Variants in CDCA2 observed in about 807,000 individuals in gnomAD.
CDCA2 encodes cell division cycle-associated protein 2.
In CDCA2, 44 loss-of-function variants were observed where a neutral mutation model predicts 67.0. The observed-to-expected ratio is 0.66, with a 90% CI of 0.52 to 0.84. CDCA2 has a LOEUF of 0.84. Ranked by LOEUF, CDCA2 falls within the 40% of genes least tolerant of loss-of-function variation. The pLI, the probability that CDCA2 is intolerant of heterozygous loss-of-function variation, is 0.00. For synonymous variants in CDCA2, 447 were observed against 418.7 expected (o/e 1.07, Z -0.82); for missense variants, 1,253 against 1,203.2 (o/e 1.04, Z -0.61).
rs115603747 is a variant in CDCA2 at position 25,507,510 on chromosome 8, G to T, written c.2844G>T (p.Pro948=). The change falls in exon 15 of 15, where the codon CCG becomes CCT. Residue 948 remains proline, a synonymous_variant. Coordinates refer to ENST00000330560, the MANE Select transcript of CDCA2 (RefSeq NM_152562.4). ...IKETVSSRQK[P]QMAPPVSDPE... The stretch of plus-strand genomic sequence containing the variant: ...AAACTGTGTCCTCCAGACAAAAACC[G>T]CAGATGGCACCTCCCGTCTCAGATC... The T allele has an allele frequency of 2.6e-4, 426 of 1,613,720 alleles. 2 individuals are homozygous for T. The East Asian group carries it at 7.6e-3, about 29-fold the overall frequency.
At chr8:25,465,889 T>G (rs943586234) in intron 4 of CDCA2, among the ~76,000 whole-genome samples, 8 of 152,144 alleles carry the variant, frequency 5.3e-5, no homozygotes, top group East Asian at 3.9e-4. Context: ...AATAGACAGG[T>G]TCCTCCTGTC....
intron 7 of CDCA2, among the ~76,000 whole-genome samples, chr8:25,476,796 T>C (rs1192805223): frequency 2.0e-5 from 3 of 152,040 alleles, no homozygotes; most frequent in Non-Finnish European, 4.4e-5. Flanking sequence ...TCTGGTGATC[T>C]GCCCACCTAG....
chr8:25,491,613 C>G (rs561963854), intron 13 of CDCA2, among the ~76,000 whole-genome samples: 1 of 152,168 alleles, frequency 6.6e-6, no homozygotes, highest in Non-Finnish European at 1.5e-5. Flanking sequence ...TTGAGTGTTT[C>G]TTTTTTTCTT....
At chr8:25,500,269 C>T (rs7838158) in intron 13 of CDCA2, among the ~76,000 whole-genome samples, 113,616 of 138,514 alleles carry the variant, frequency 0.82, 44,693 homozygotes, top group South Asian at 0.88. Flanking sequence ...TTTTTTTTTT[C>T]CCCATATATC....
chr8:25,467,063 A>AAAAC (rs1442439401), intron 5 of CDCA2, among the ~76,000 whole-genome samples: 1 of 141,402 alleles, frequency 7.1e-6, no homozygotes, highest in Non-Finnish European at 1.5e-5. Context: ...AAAAAAAAAA[A>AAAAC]AAACACACAC....
intron 12 of CDCA2, among the ~76,000 whole-genome samples, chr8:25,488,209 AT>A (rs796183649): frequency 1.3e-5 from 2 of 152,154 alleles, no homozygotes; most frequent in African/African-American, 4.8e-5. Flanking sequence ...AAAATTCATG[AT>A]TTTTTTCCCC....
Position 25,507,431 on chromosome 8 carries a change from G to C in CDCA2, c.2765G>C (p.Arg922Thr), listed in dbSNP as rs753959999. The change falls in exon 15 of 15, where the codon AGA (arginine) becomes ACA (threonine). Residue 922 changes from arginine to threonine, a missense_variant. Arg to Thr is a moderately conservative substitution (Grantham distance 71). Coordinates refer to ENST00000330560, the MANE Select transcript of CDCA2 (RefSeq NM_152562.4). ...TCCACTTCCCAAAAAGCCAAAAGAAGAACAATATGTACATTTGACAGCAGT... is the reference window on the plus strand; with the variant it reads ...TCCACTTCCCAAAAAGCCAAAAGAACAACAATATGTACATTTGACAGCAGT... ...LPSTSQKAKR[R>T]TICTFDSSGF... 1.2e-6 allele frequency: 2 copies of C among 1,614,028 alleles called. No individual in the cohort carries two copies. The highest frequency in any genetic ancestry group is 1.7e-6 in the Non-Finnish European group (2 of 1,179,998).
intron 13 of CDCA2, among the ~76,000 whole-genome samples, chr8:25,495,824 A>T (rs538028687): frequency 6.6e-6 from 1 of 152,226 alleles, no homozygotes; most frequent in African/African-American, 2.4e-5. Flanking sequence ...CAAATAAGCA[A>T]TTTTTCCCAT....
At position 25,468,317 on chromosome 8, in the gene CDCA2, T is replaced by A. The variant is rs1412029763; in HGVS notation, c.639T>A (p.Asn213Lys). 6.2e-7 allele frequency: 1 copy of A among 1,613,684 alleles called. No individual in the cohort carries two copies. Among genetic ancestry groups the A allele is most frequent in the Non-Finnish European group, 8.5e-7 (1 of 1,179,848 alleles). ...RISYQRDSDENLTDAEGKVIG... is the reference protein window; with the variant it reads ...RISYQRDSDEKLTDAEGKVIG... ...CCTATCAGAGAGACTCTGATGAAAATCTGACGGATGCTGAAGGAAAAGTAA... is the reference window on the plus strand; with the variant it reads ...CCTATCAGAGAGACTCTGATGAAAAACTGACGGATGCTGAAGGAAAAGTAA... The change falls in exon 6 of 15, where the codon AAT becomes AAA. Residue 213 changes from asparagine (N) to lysine (K), a missense_variant. Physicochemically the swap from Asn to Lys is moderately conservative, Grantham distance 94. Coordinates refer to ENST00000330560, the MANE Select transcript of CDCA2 (RefSeq NM_152562.4).
chr8:25,460,203 G>T (rs377013449), intron 1 of CDCA2, 37 bp from the exon 2 acceptor site: 44 of 1,600,140 alleles, frequency 2.7e-5, no homozygotes, highest in Non-Finnish European at 3.3e-5. Context: ...CATCTTGCTG[G>T]TGGGGTTATT....
rs117106611 is a variant in CDCA2 at position 25,499,594 on chromosome 8, G to A, written c.1672-3779G>A. Among the ~76,000 whole-genome samples the A allele has an allele frequency of 9.1e-3, 1,389 of 151,914 alleles. 12 individuals carry two copies. The highest frequency in any genetic ancestry group is 0.013 in the Non-Finnish European group (879 of 67,810). On this transcript the variant is annotated intron_variant, in intron 13 of 14. Transcript: ENST00000330560. Reference sequence around the variant, plus strand: ...GTTGGGATTAAGGGCATGAGCCACCGTGCTGGCCTGAATTAGTTTTTAAAA... The same window carrying A: ...GTTGGGATTAAGGGCATGAGCCACCATGCTGGCCTGAATTAGTTTTTAAAA...
intron 8 of CDCA2, among the ~76,000 whole-genome samples, chr8:25,481,413 G>A (rs866419757): frequency 1.3e-5 from 2 of 152,114 alleles, no homozygotes; most frequent in South Asian, 2.1e-4. Flanking sequence ...ACAACTGGCC[G>A]GGCGTGGTGG....
At chr8:25,489,494 T>G (rs1803917674) in intron 13 of CDCA2, among the ~76,000 whole-genome samples, 1 of 152,140 alleles carries the variant, frequency 6.6e-6, no homozygotes, top group Admixed American at 6.5e-5. Context: ...TCCAGCAAAA[T>G]TTCCAGTCTG....
intron 13 of CDCA2, among the ~76,000 whole-genome samples, chr8:25,501,923 C>T (rs186962475): frequency 7.2e-5 from 11 of 152,176 alleles, no homozygotes; most frequent in Non-Finnish European, 1.3e-4. Context: ...TTTTTTGAGA[C>T]GGAGTCTCAC....
intron 4 of CDCA2, among the ~76,000 whole-genome samples, chr8:25,463,194 A>G (rs1168002532): frequency 6.6e-6 from 1 of 152,198 alleles, no homozygotes; most frequent in African/African-American, 2.4e-5. Context: ...TATTTGGGAC[A>G]ACCTTGTGGA....
chr8:25,479,607 T>G (rs940573807), intron 7 of CDCA2: 1 of 381,436 alleles, frequency 2.6e-6, no homozygotes, highest in African/African-American at 2.1e-5. Flanking sequence ...AGAGGCACGC[T>G]AATAGCTTAT....
intron 13 of CDCA2, among the ~76,000 whole-genome samples, chr8:25,494,391 CTA>C (rs1457424817): frequency 6.6e-6 from 1 of 152,038 alleles, no homozygotes; most frequent in African/African-American, 2.4e-5. Flanking sequence ...AGCATATTAA[CTA>C]TGTAGCATTT....
chr8:25,483,352 A>ATT, intron 8 of CDCA2, 47 bp from the exon 9 acceptor site: 9 of 1,263,270 alleles, frequency 7.1e-6, no homozygotes, highest in Non-Finnish European at 1.0e-5. Context: ...GATGACGTCT[A>ATT]TGTATTTCTA....
intron 11 of CDCA2, 98 bp from the exon 12 acceptor site, chr8:25,487,148 A>G: frequency 6.7e-6 from 5 of 743,880 alleles, no homozygotes; most frequent in Admixed American, 2.4e-5. Flanking sequence ...TAGATATGGT[A>G]TTAAAGGTGG....
Sources: allele counts gnomAD v4.1 joint callset (sites outside exome capture counted in the v4.1 genomes callset), GRCh38; gene constraint gnomAD v4.1.1; transcripts MANE v1.5; gene names NCBI Gene and HGNC (gene_info 2026-07-23, HGNC 2026-07-21).